Variants in ZMIZ1 observed in about 807,000 individuals in gnomAD.
ZMIZ1 encodes zinc finger MIZ domain-containing protein 1.
Under a neutral mutation model 113.9 loss-of-function variants are expected in ZMIZ1, and 17 were observed. The observed-to-expected ratio is 0.15, with a 90% CI of 0.10 to 0.22. The LOEUF is 0.22. Ranked by LOEUF, ZMIZ1 falls within the 10% of genes least tolerant of loss-of-function variation. The probability of loss-of-function intolerance (pLI) is 1.00; values close to 1 mark genes in which losing one functional copy is unlikely to be tolerated. For synonymous variants in ZMIZ1, 607 were observed against 603.1 expected, an observed-to-expected ratio of 1.01 and a Z score of -0.09; for missense variants, 1,059 against 1,477.8, an observed-to-expected ratio of 0.72 and a Z score of 4.65.
At chr10:79,237,678 C>G (rs1849647978) in intron 7 of ZMIZ1, among the ~76,000 whole-genome samples, 1 of 152,206 alleles carries the variant, frequency 6.6e-6, no homozygotes, top group Admixed American at 6.5e-5. Flanking sequence ...ACCCTAATGA[C>G]CTCATCTTAA....
intron 1 of ZMIZ1, among the ~76,000 whole-genome samples, chr10:79,090,226 C>G (rs757791309): frequency 6.6e-6 from 1 of 152,224 alleles, no homozygotes; most frequent in Non-Finnish European, 1.5e-5. Flanking sequence ...GGTGCAGTGC[C>G]TGGGGTGCTT....
At chr10:79,270,572 G>A (rs186650131) in intron 7 of ZMIZ1, among the ~76,000 whole-genome samples, 93 of 152,352 alleles carry the variant, frequency 6.1e-4, no homozygotes, top group African/African-American at 2.1e-3. Context: ...GAGGACACGT[G>A]TTGCTTGTCA....
At chr10:79,100,807 G>A (rs1016740108) in intron 1 of ZMIZ1, among the ~76,000 whole-genome samples, 2 of 152,182 alleles carry the variant, frequency 1.3e-5, no homozygotes, top group Non-Finnish European at 2.9e-5. Flanking sequence ...CGGGGGCACT[G>A]GGTGCTGTGG....
chr10:79,161,460 T>A (rs1846113465), intron 3 of ZMIZ1, among the ~76,000 whole-genome samples: 1 of 152,178 alleles, frequency 6.6e-6, no homozygotes, highest in African/African-American at 2.4e-5. Context: ...CAGGCACTTT[T>A]CTCTATCTTG....
At chr10:79,241,398 A>G (rs1299041855) in intron 7 of ZMIZ1, among the ~76,000 whole-genome samples, 2 of 152,158 alleles carry the variant, frequency 1.3e-5, no homozygotes, top group Non-Finnish European at 2.9e-5. Context: ...ACTGTCCCCA[A>G]AGAAGCCATA....
At chr10:79,290,501 C>G (rs1853412333) in intron 9 of ZMIZ1, among the ~76,000 whole-genome samples, 1 of 152,228 alleles carries the variant, frequency 6.6e-6, no homozygotes, top group East Asian at 1.9e-4. Flanking sequence ...CCCTCCAGAG[C>G]TAGCAGGGTG....
At chr10:79,107,973 C>G (rs150345366) in intron 1 of ZMIZ1, among the ~76,000 whole-genome samples, 166 of 152,260 alleles carry the variant, frequency 1.1e-3, no homozygotes, top group African/African-American at 3.7e-3. Context: ...TTCTTTCTGC[C>G]TGCCTGCCTT....
chr10:79,176,498 G>A (rs967190204), intron 4 of ZMIZ1, among the ~76,000 whole-genome samples: 3 of 152,138 alleles, frequency 2.0e-5, no homozygotes, highest in African/African-American at 7.2e-5. Context: ...GGCTCAGGGA[G>A]GTAGGGAGTC....
chr10:79,143,804 G>A (rs1845370873), intron 3 of ZMIZ1, among the ~76,000 whole-genome samples: 3 of 152,054 alleles, frequency 2.0e-5, no homozygotes, highest in Admixed American at 6.6e-5. Context: ...GGTGGGGGTG[G>A]AGAGAAGAGT....
At chr10:79,204,661 A>G (rs1303653760) in intron 5 of ZMIZ1, among the ~76,000 whole-genome samples, 1 of 152,228 alleles carries the variant, frequency 6.6e-6, no homozygotes, top group Non-Finnish European at 1.5e-5. Context: ...CTAGCATAGC[A>G]TCCAGCTCAG....
rs979473412 is a variant in ZMIZ1 at position 79,093,389 on chromosome 10, G to C, written c.-337+24119G>C. Among the ~76,000 whole-genome samples, 7 of 151,406 alleles carry C rather than the reference G, an allele frequency of 4.6e-5. No individual in the cohort carries two copies. In the South Asian group the frequency reaches 6.3e-4, roughly 14 times the overall value. On this transcript the variant is annotated intron_variant, in intron 1 of 24. Transcript: ENST00000334512. ...GTTGCCCAGGCTGGAGTGCAGTAGCGTGATCTCAGCTCACTGCAATCCTGC... is the reference window on the plus strand; with the variant it reads ...GTTGCCCAGGCTGGAGTGCAGTAGCCTGATCTCAGCTCACTGCAATCCTGC...
intron 7 of ZMIZ1, among the ~76,000 whole-genome samples, chr10:79,226,363 C>G (rs1005112999): frequency 2.0e-5 from 3 of 152,196 alleles, no homozygotes; most frequent in African/African-American, 4.8e-5. Flanking sequence ...TGCAGGGCCA[C>G]AGGTATCACC....
chr10:79,133,137 C>T lies in ZMIZ1; in HGVS notation c.-226-6545C>T, dbSNP rs559109462. Reference sequence around the variant, plus strand: ...CTGCTTGCTTCTCCAGCACCCACCCCCTAGTACACTCTTTTCCTGCAGTCA... The same window carrying T: ...CTGCTTGCTTCTCCAGCACCCACCCTCTAGTACACTCTTTTCCTGCAGTCA... On this transcript the variant is annotated intron_variant, in intron 2 of 24. Coordinates refer to ENST00000334512, the MANE Select transcript of ZMIZ1 (RefSeq NM_020338.4). Among the ~76,000 whole-genome samples the T allele has an allele frequency of 2.6e-5, 4 of 152,322 alleles. No individual in the cohort carries two copies. The East Asian group carries it at 7.7e-4, about 29-fold the overall frequency.
chr10:79,166,271 A>T (rs1044794187), intron 4 of ZMIZ1, among the ~76,000 whole-genome samples: 1 of 152,154 alleles, frequency 6.6e-6, no homozygotes, highest in Non-Finnish European at 1.5e-5. Context: ...CCACTGTGTC[A>T]CTGCTTCTTG....
chr10:79,159,896 A>G (rs1051101694), intron 3 of ZMIZ1, among the ~76,000 whole-genome samples: 5 of 151,950 alleles, frequency 3.3e-5, no homozygotes, highest in African/African-American at 4.8e-5. Flanking sequence ...TGGGGCAGTG[A>G]GGTACGTGTG....
intron 1 of ZMIZ1, among the ~76,000 whole-genome samples, chr10:79,105,875 G>A (rs1192562849): frequency 6.6e-6 from 1 of 152,206 alleles, no homozygotes; most frequent in East Asian, 1.9e-4. Flanking sequence ...GAAATGTGAC[G>A]GACTCTGCAC....
chr10:79,203,131 C>T (rs150739882), intron 5 of ZMIZ1, among the ~76,000 whole-genome samples: 87 of 152,250 alleles, frequency 5.7e-4, no homozygotes, highest in Admixed American at 1.2e-3. Context: ...CCTGGGCTTC[C>T]GCCAGGCAGA....
chr10:79,144,053 G>T (rs1398429551), intron 3 of ZMIZ1, among the ~76,000 whole-genome samples: 1 of 152,228 alleles, frequency 6.6e-6, no homozygotes, highest in Non-Finnish European at 1.5e-5. Flanking sequence ...GCATGGCTCC[G>T]TGGCAGAGCG....
chr10:79,104,337 C>T (rs946009), intron 1 of ZMIZ1, among the ~76,000 whole-genome samples: 56,250 of 151,926 alleles, frequency 0.37, 11,120 homozygotes, highest in Non-Finnish European at 0.44. Flanking sequence ...AGTCCGCGTG[C>T]ATAGAAGCCA....
Sources: gnomAD v4.1 joint callset for allele counts (sites outside exome capture counted in the v4.1 genomes callset) on GRCh38, gnomAD v4.1.1 for gene constraint, MANE v1.5 for transcripts, NCBI Gene and HGNC (gene_info 2026-07-23, HGNC 2026-07-21) for gene names.